The following INTS1 variants were observed in gnomAD, a reference collection of about 807,000 sequenced individuals.
The protein encoded by INTS1 is integrator complex subunit 1.
INTS1 carries 137 observed loss-of-function variants against 241.6 expected under a neutral mutation model. The observed-to-expected ratio is 0.57, with a 90% CI of 0.49 to 0.65. INTS1 has a LOEUF of 0.65. INTS1 is among the 30% of genes least tolerant of loss of function. The probability of loss-of-function intolerance (pLI) is 0.00; values close to 1 mark genes in which losing one functional copy is unlikely to be tolerated. For synonymous variants in INTS1, 1,692 were observed against 1,337.8 expected (o/e 1.26, Z -5.78); for missense variants, 3,073 against 3,032.2 (o/e 1.01, Z -0.32).
chr7:1,471,801 A>G (rs1781479091), intron 44 of INTS1, 160 bp from the exon 45 acceptor site: 1 of 660,882 alleles, frequency 1.5e-6, no homozygotes, highest in Admixed American at 2.6e-5. Context: ...CCTGCCCCCA[A>G]GCTCCACAAA....
Position 1,477,935 on chromosome 7 carries a change from G to T in INTS1, c.4632C>A (p.Val1544=). ...ACCTCACCTCGATCAGCCCCTGGAG[G>T]ACTGCGCAAGGGACAAAGAGACATG... The part of the protein sequence containing the change: ...CSVEPDLISK[V]LQGLIEVRSP... Residue 1544 remains valine, a splice_region_variant and synonymous_variant, in exon 34 of 48, where the codon GTC becomes GTA. Coordinates refer to ENST00000404767, the MANE Select transcript of INTS1 (RefSeq NM_001080453.3). 1 of 1,612,420 alleles carries T rather than the reference G, an allele frequency of 6.2e-7. No homozygotes were observed. Among genetic ancestry groups the T allele is most frequent in the South Asian group, 1.1e-5 (1 of 91,076 alleles).
chr7:1,496,628 C>T (rs532014912), intron 11 of INTS1, among the ~76,000 whole-genome samples: 21 of 152,258 alleles, frequency 1.4e-4, no homozygotes, highest in African/African-American at 4.1e-4. Flanking sequence ...GCACCAGGGC[C>T]GGTGGCCCAC....
rs904717090 is a variant in INTS1 at position 1,481,217 on chromosome 7, G to C, written c.3850+125C>G. ...AACCCACAGGTCTAAGCCTGCCCTCGAGTGCCACCCACACCCACCCGACCT... is the reference window on the plus strand; with the variant it reads ...AACCCACAGGTCTAAGCCTGCCCTCCAGTGCCACCCACACCCACCCGACCT... On this transcript the variant is annotated intron_variant, in intron 28 of 47. Transcript: ENST00000404767. This position sits in a 1 kb window ranked among gnomAD's most constrained non-coding sequence, Gnocchi z 6.8. The C allele has an allele frequency of 9.1e-7, 1 of 1,103,488 alleles. No individual in the cohort carries two copies. The highest frequency in any genetic ancestry group is 1.5e-5 in the African/African-American group (1 of 64,642). 68.4% of individuals were successfully genotyped at this position (1,103,488 alleles called of 1,614,324 possible).
chr7:1,480,495 C>T, intron 29 of INTS1, 54 bp from the exon 30 acceptor site: 10 of 1,579,544 alleles, frequency 6.3e-6, no homozygotes, highest in Admixed American at 1.8e-5. Context: ...CTGCTTCCAG[C>T]GGTGGGAACT....
At position 1,476,366 on chromosome 7, in the gene INTS1, G is replaced by GCTCCGCGT; in HGVS notation, c.5233_5240dup (p.Ser1747ArgfsTer36). The GCTCCGCGT allele has an allele frequency of 6.3e-7, 1 of 1,576,510 alleles. No individual in the cohort carries two copies. The highest frequency in any genetic ancestry group is 8.6e-7 in the Non-Finnish European group (1 of 1,165,220). Reference sequence around the variant, plus strand: ...TGCAGGCGGCTGTGTCCCCGTCCTGGCTCCGCGTCTCCGCCTCGGCCAGGA... The same window carrying GCTCCGCGT: ...TGCAGGCGGCTGTGTCCCCGTCCTGGCTCCGCGTCTCCGCGTCTCCGCCTCGGCCAGGA... On this transcript the variant is annotated frameshift_variant, in exon 38 of 48. Transcript: ENST00000404767. LOFTEE classifies it high-confidence loss of function.
At chr7:1,503,779 C>A (rs1438556951) in intron 2 of INTS1, 124 bp downstream of exon 2, 25 of 710,270 alleles carry the variant, frequency 3.5e-5, no homozygotes, top group Non-Finnish European at 5.7e-5. Flanking sequence ...AGACCGAATT[C>A]CTGGAAACAG....
chr7:1,501,316 A>G (rs1783168694), intron 3 of INTS1: 1 of 152,078 alleles, frequency 6.6e-6, no homozygotes, highest in Non-Finnish European at 1.5e-5. Flanking sequence ...TAAATAATAA[A>G]TAATAAGTAA....
At chr7:1,475,695 G>A (rs1043898386) in intron 39 of INTS1, among the ~76,000 whole-genome samples, 3 of 152,152 alleles carry the variant, frequency 2.0e-5, no homozygotes, top group Non-Finnish European at 2.9e-5. Context: ...ACCAACGGCC[G>A]ATCCACACAA....
intron 11 of INTS1, 77 bp from the exon 12 acceptor site, chr7:1,496,341 G>A (rs1332061046): frequency 8.5e-6 from 5 of 589,402 alleles, no homozygotes; most frequent in Non-Finnish European, 1.2e-5. Context: ...GGCGCGGCAC[G>A]GGGTCTGTAT....
At chr7:1,472,228 AC>A in intron 44 of INTS1, 44 bp downstream of exon 44, 1 of 1,404,202 alleles carries the variant, frequency 7.1e-7, no homozygotes, top group South Asian at 1.2e-5. Flanking sequence ...GCCCCATGGG[AC>A]CCAGGGCGCT....
Position 1,481,184 on chromosome 7 carries a change from G to A in INTS1, c.3850+158C>T. 1 of 887,708 alleles carries A rather than the reference G, an allele frequency of 1.1e-6. No individual in the cohort carries two copies. The highest frequency in any genetic ancestry group is 1.8e-6 in the Non-Finnish European group (1 of 556,736). The allele number at this position is 887,708 out of a possible 1,614,324, so 55.0% of individuals were successfully genotyped here. On this transcript the variant is annotated intron_variant, in intron 28 of 47. Transcript: ENST00000404767. This position sits in a 1 kb window ranked among gnomAD's most constrained non-coding sequence, Gnocchi z 6.8. ...CCTCGGCTCCCTCCTGACTGTGCCA[G>A]CCTCACCAACCCACAGGTCTAAGCC...
intron 41 of INTS1, 86 bp from the exon 42 acceptor site, chr7:1,473,779 AG>A: frequency 6.5e-7 from 1 of 1,538,144 alleles, no homozygotes; most frequent in Non-Finnish European, 8.9e-7. Flanking sequence ...CCAGAGCCTC[AG>A]GGCATGGACC....
Position 1,499,970 on chromosome 7 carries a change from C to T in INTS1, c.598G>A (p.Gly200Arg). The T allele has an allele frequency of 6.2e-7, 1 of 1,613,704 alleles. No homozygotes were observed. Among genetic ancestry groups the T allele is most frequent in the Non-Finnish European group, 8.5e-7 (1 of 1,179,872 alleles). ...RDASINFKAKGNSLVSVLACN... is the reference protein window; with the variant it reads ...RDASINFKAKRNSLVSVLACN... Reference sequence around the variant, plus strand: ...GCCAGCACAGACACCAGGCTGTTCCCCTTGGCCTTGAAGTTGATGGAGGCG... The same window carrying T: ...GCCAGCACAGACACCAGGCTGTTCCTCTTGGCCTTGAAGTTGATGGAGGCG... Residue 200 changes from glycine to arginine, a missense_variant, in exon 5 of 48, where the codon GGG (glycine) becomes AGG (arginine). Gly to Arg is a moderately radical substitution (Grantham distance 125). Coordinates refer to ENST00000404767, the MANE Select transcript of INTS1 (RefSeq NM_001080453.3).
In INTS1 at chr7:1,497,160, T is replaced by C. The variant is rs536823868; in HGVS notation, c.1580A>G (p.Gln527Arg). 27 of 1,608,066 alleles carry C rather than the reference T, an allele frequency of 1.7e-5. No homozygotes were observed. Among genetic ancestry groups the C allele is most frequent in the East Asian group, 2.2e-5 (1 of 44,660 alleles). The change falls in exon 11 of 48, where the codon CAG becomes CGG. Residue 527 changes from glutamine (Q) to arginine (R), a missense_variant. Coordinates refer to ENST00000404767, the MANE Select transcript of INTS1 (RefSeq NM_001080453.3). The surrounding 1 kb of genome is among the most constrained non-coding windows in gnomAD (Gnocchi z 5.3). ...LGLMQERKEP[Q>R]YLEMEFKERF... ...CACCTTGAACTCCATCTCCAGGTAC[T>C]GCGGCTCCTTGCGCTCCTGCATGAG...
chr7:1,492,736 T>G (rs182901386), intron 16 of INTS1, among the ~76,000 whole-genome samples: 1 of 152,108 alleles, frequency 6.6e-6, no homozygotes, highest in Non-Finnish European at 1.5e-5. Flanking sequence ...CAGGTAACGG[T>G]TGGACTCGGG....
chr7:1,470,989 A>G (rs1781438167), intron 46 of INTS1, 34 bp from the exon 47 acceptor site: 1 of 1,530,630 alleles, frequency 6.5e-7, no homozygotes, highest in Non-Finnish European at 8.8e-7. Context: ...GGGAACCTCC[A>G]CCCTGTGCCC....
intron 3 of INTS1, 109 bp downstream of exon 3, chr7:1,502,792 G>C (rs1483840937): frequency 4.1e-6 from 5 of 1,207,644 alleles, no homozygotes; most frequent in Non-Finnish European, 6.0e-6. Context: ...CTCTCCCAAA[G>C]GACCTCGGCC....
intron 3 of INTS1, chr7:1,501,275 ACT>A (rs1783164246): frequency 1.6e-5 from 2 of 121,710 alleles, no homozygotes; most frequent in Non-Finnish European, 1.6e-5. Context: ...ACACAGCGAG[ACT>A]CTGTCTCAAA....
chr7:1,470,351 TG>T lies in INTS1; in HGVS notation c.*225del. 1 of 490,834 alleles carries T rather than the reference TG, an allele frequency of 2.0e-6. No individual in the cohort carries two copies. Among genetic ancestry groups the T allele is most frequent in the Non-Finnish European group, 3.6e-6 (1 of 280,130 alleles). 30.4% of individuals were successfully genotyped at this position (490,834 alleles called of 1,614,324 possible). A position where few individuals can be genotyped will look rare whatever the true frequency, so the allele number is the denominator to read the frequency against. ...GATCCGCCGCTCCGCGGCAGGGCTGTGGCCCAGAAGGTGAATGAGGGCTTGC... is the reference window on the plus strand; with the variant it reads ...GATCCGCCGCTCCGCGGCAGGGCTGTGCCCAGAAGGTGAATGAGGGCTTGC... On this transcript the variant is annotated 3_prime_UTR_variant, in exon 48 of 48. Transcript: ENST00000404767.
Sources: allele counts gnomAD v4.1 joint callset (sites outside exome capture counted in the v4.1 genomes callset), GRCh38; gene constraint gnomAD v4.1.1; non-coding constraint Gnocchi (gnomAD v3.1); transcripts MANE v1.5; gene names NCBI Gene and HGNC (gene_info 2026-07-23, HGNC 2026-07-21).